DEPDC5: variants seen among roughly 807,000 people sequenced by gnomAD.
The protein encoded by DEPDC5 is GATOR1 complex protein DEPDC5.
A neutral mutation model predicts 217.3 loss-of-function variants in DEPDC5; 73 were observed. That is an observed-to-expected ratio of 0.34 (90% CI 0.28 to 0.41). The LOEUF is 0.41. Ranked by LOEUF, DEPDC5 falls within the 10% of genes least tolerant of loss-of-function variation. The probability of loss-of-function intolerance (pLI) is 1.00; values close to 1 mark genes in which losing one functional copy is unlikely to be tolerated. For synonymous variants in DEPDC5, 733 were observed against 756.7 expected (o/e 0.97, Z 0.51); for missense variants, 1,675 against 2,070.1 (o/e 0.81, Z 3.70).
chr22:31,798,837 T>C lies in DEPDC5; in HGVS notation c.946+181T>C, dbSNP rs185727156. On this transcript the variant is annotated intron_variant, in intron 14 of 42. Coordinates refer to ENST00000651528, the MANE Select transcript of DEPDC5 (RefSeq NM_001242896.3). ...TTAAGAAAGTAAAGGAATAAAAGAA[T>C]AGCTACTCCATAGAAAGAGCAGGGC... is the stretch of plus-strand genomic sequence containing the variant. Among the ~76,000 whole-genome samples, 368 of 152,186 alleles carry C rather than the reference T, an allele frequency of 2.4e-3. 3 individuals carry two copies. The highest frequency in any genetic ancestry group is 8.2e-3 in the African/African-American group (339 of 41,514).
intron 27 of DEPDC5, among the ~76,000 whole-genome samples, chr22:31,842,803 TTCCTC>T (rs2091476112): frequency 6.6e-6 from 1 of 152,152 alleles, no homozygotes; most frequent in Admixed American, 6.5e-5. Context: ...TTACAGAACT[TTCCTC>T]TCCAGAGGAT....
chr22:31,837,353 T>A, intron 26 of DEPDC5, 198 bp downstream of exon 26: 2 of 175,210 alleles, frequency 1.1e-5, no homozygotes, highest in South Asian at 1.6e-4. Flanking sequence ...TTTTTTTTCC[T>A]TTTTTTTTTT....
intron 25 of DEPDC5, among the ~76,000 whole-genome samples, chr22:31,835,813 A>G (rs2090951456): frequency 6.6e-6 from 1 of 152,124 alleles, no homozygotes; most frequent in South Asian, 2.1e-4. Context: ...GATCTGTTGC[A>G]GGCTAAATCA....
chr22:31,792,520 C>T (rs965199154), intron 11 of DEPDC5, among the ~76,000 whole-genome samples: 4 of 143,898 alleles, frequency 2.8e-5, no homozygotes, highest in African/African-American at 5.2e-5. Flanking sequence ...AAAGGAGAGT[C>T]GCTTGAATTC....
At chr22:31,858,393 T>C (rs2092384285) in intron 32 of DEPDC5, 1 of 152,204 alleles carries the variant, frequency 6.6e-6, no homozygotes, top group African/African-American at 2.4e-5. Flanking sequence ...TAGACTTGGC[T>C]CTGTCAGCTC....
chr22:31,838,230 T>TA (rs1306720735), intron 26 of DEPDC5, among the ~76,000 whole-genome samples: 3 of 152,208 alleles, frequency 2.0e-5, no homozygotes, highest in African/African-American at 7.2e-5. Context: ...TTTGAACTGT[T>TA]AATTTTCCCC....
chr22:31,846,787 TGA>T, intron 30 of DEPDC5, 45 bp from the exon 31 acceptor site: 1 of 1,613,512 alleles, frequency 6.2e-7, no homozygotes, highest in East Asian at 2.2e-5. Flanking sequence ...TGGCTTCCAC[TGA>T]GAGCCCACTT....
chr22:31,845,748 CGTG>C (rs1321581909), intron 30 of DEPDC5, among the ~76,000 whole-genome samples: 4 of 149,368 alleles, frequency 2.7e-5, no homozygotes, highest in Admixed American at 2.7e-4. Flanking sequence ...GTATAATTGA[CGTG>C]TGTGTGTGTG....
intron 38 of DEPDC5, chr22:31,890,500 A>G (rs1203315002): frequency 1.3e-5 from 2 of 151,902 alleles, no homozygotes; most frequent in African/African-American, 4.8e-5. Context: ...AATTAAGGCT[A>G]GGAGTTCGAG....
chr22:31,796,179 C>T (rs1349139409), intron 12 of DEPDC5, among the ~76,000 whole-genome samples: 1 of 149,628 alleles, frequency 6.7e-6, no homozygotes, highest in Non-Finnish European at 1.5e-5. Context: ...TGGCTCACTG[C>T]AAGCTCTGCC....
chr22:31,817,438 C>A, intron 21 of DEPDC5: 1 of 475,306 alleles, frequency 2.1e-6, no homozygotes, highest in Admixed American at 2.2e-5. Context: ...TACTTGGTGG[C>A]TTTTTATATA....
chr22:31,834,063 G>A (rs975170086), intron 25 of DEPDC5, 83 bp downstream of exon 25: 1 of 1,401,160 alleles, frequency 7.1e-7, no homozygotes, highest in East Asian at 2.3e-5. Flanking sequence ...AGGAAGCCCT[G>A]TGGGAAGTGA....
At chr22:31,861,609 G>C (rs968229470) in intron 33 of DEPDC5, among the ~76,000 whole-genome samples, 176 bp downstream of exon 33, 14 of 152,210 alleles carry the variant, frequency 9.2e-5, no homozygotes, top group Non-Finnish European at 1.5e-5. Context: ...GCGGCGAAGG[G>C]GGGGATGGAA....
chr22:31,856,028 T>C (rs1487690777), intron 31 of DEPDC5, among the ~76,000 whole-genome samples: 2 of 152,024 alleles, frequency 1.3e-5, no homozygotes, highest in Non-Finnish European at 2.9e-5. Context: ...GCACAACACC[T>C]GTGGGAGAGA....
intron 28 of DEPDC5, 142 bp from the exon 29 acceptor site, chr22:31,843,503 C>A: frequency 2.0e-6 from 2 of 985,012 alleles, no homozygotes; most frequent in Non-Finnish European, 3.0e-6. Flanking sequence ...ATTTCTAGTA[C>A]CGTTCCCTGG....
chr22:31,898,251 A>C (rs973844340), intron 40 of DEPDC5, among the ~76,000 whole-genome samples: 3 of 151,984 alleles, frequency 2.0e-5, no homozygotes, highest in Non-Finnish European at 4.4e-5. Context: ...TTCAATCAGA[A>C]AGAGAGTACC....
At position 31,877,524 on chromosome 22, in the gene DEPDC5, G is replaced by A. The variant is rs1385016000; in HGVS notation, c.3805+1259G>A. 9.6e-5 allele frequency among the ~76,000 whole-genome samples: 14 copies of A among 146,496 alleles called. No homozygotes were observed. In the South Asian group the frequency reaches 1.1e-3, roughly 12 times the overall value. ...CCCAACACTTTGGGAGGCCAAGGCC[G>A]GCAGATCACAAGGTCAGGAGTTGGA... On this transcript the variant is annotated intron_variant, in intron 37 of 42. Coordinates refer to ENST00000651528, the MANE Select transcript of DEPDC5 (RefSeq NM_001242896.3).
At chr22:31,901,892 C>G (rs755345869) in intron 41 of DEPDC5, 90 bp downstream of exon 41, 15 of 1,249,384 alleles carry the variant, frequency 1.2e-5, no homozygotes, top group Non-Finnish European at 1.6e-5. Context: ...TTTTTTAGCT[C>G]CTAGAGAAAG....
At chr22:31,792,353 C>T (rs1478544514) in intron 11 of DEPDC5, among the ~76,000 whole-genome samples, 3 of 152,048 alleles carry the variant, frequency 2.0e-5, no homozygotes, top group African/African-American at 4.8e-5. Flanking sequence ...CGCCTGTAAT[C>T]CCACGACTTT....
Sources: gnomAD v4.1 joint callset for allele counts (sites outside exome capture counted in the v4.1 genomes callset) on GRCh38, gnomAD v4.1.1 for gene constraint, MANE v1.5 for transcripts, NCBI Gene and HGNC (gene_info 2026-07-23, HGNC 2026-07-21) for gene names.